SOCS2: variants seen among roughly 807,000 people sequenced by gnomAD.
The protein encoded by SOCS2 is suppressor of cytokine signaling 2.
SOCS2 carries 10 observed loss-of-function variants against 18.6 expected under a neutral mutation model. That is an observed-to-expected ratio of 0.54 (90% CI 0.33 to 0.91). The LOEUF is 0.91. SOCS2 is among the 40% of genes least tolerant of loss of function. The probability of loss-of-function intolerance (pLI) is 0.02; values close to 1 mark genes in which losing one functional copy is unlikely to be tolerated. For missense variants in SOCS2, 231 were observed against 247.2 expected (o/e 0.93, Z 0.44); for synonymous variants, 104 against 104.0 (o/e 1.00, Z 0.00).
At chr12:93,584,156 T>C (rs1184312920), downstream of SOCS2, among the ~76,000 whole-genome samples, 1 of 152,166 alleles carries the variant, frequency 6.6e-6, no homozygotes, top group Non-Finnish European at 1.5e-5. Context: ...GACAGAACAA[T>C]AGAAAAGTAA....
At chr12:93,618,572 A>G in the SOCS2 span, among the ~76,000 whole-genome samples, 535 of 152,108 alleles carry the variant, frequency 3.5e-3, 3 homozygotes, top group African/African-American at 0.012. Flanking sequence ...TCCCAACACC[A>G]CATGCCTGTC....
At chr12:93,612,050 C>G in the SOCS2 span, among the ~76,000 whole-genome samples, 1 of 152,078 alleles carries the variant, frequency 6.6e-6, no homozygotes, top group Non-Finnish European at 1.5e-5. Flanking sequence ...CCATGTAGCT[C>G]CAGGGAATGT....
At chr12:93,611,474 T>A in the SOCS2 span, among the ~76,000 whole-genome samples, 1 of 152,172 alleles carries the variant, frequency 6.6e-6, no homozygotes, top group Non-Finnish European at 1.5e-5. Flanking sequence ...TGACCTCAAG[T>A]GATCCGCCTG....
the SOCS2 span, among the ~76,000 whole-genome samples, chr12:93,610,363 CA>C: frequency 6.6e-6 from 1 of 152,118 alleles, no homozygotes; most frequent in African/African-American, 2.4e-5. Flanking sequence ...TTTGTTCAAA[CA>C]CAACTTCCTG....
chr12:93,603,984 A>G, the SOCS2 span, among the ~76,000 whole-genome samples: 2 of 152,216 alleles, frequency 1.3e-5, no homozygotes, highest in Non-Finnish European at 2.9e-5. Context: ...CATATGGAAA[A>G]CAACAAATGA....
chr12:93,589,259 C>G, the SOCS2 span, among the ~76,000 whole-genome samples: 1 of 152,216 alleles, frequency 6.6e-6, no homozygotes, highest in Non-Finnish European at 1.5e-5. Flanking sequence ...GAATACATGA[C>G]TGATAGATTT....
chr12:93,573,955 A>T (rs1658381181), intron 1 of SOCS2: 1 of 152,274 alleles, frequency 6.6e-6, no homozygotes, highest in Admixed American at 6.5e-5. Flanking sequence ...GTGCAGGCAG[A>T]TGAAATCAAG....
chr12:93,578,968 G>A (rs1372978356), downstream of SOCS2, among the ~76,000 whole-genome samples: 2 of 152,278 alleles, frequency 1.3e-5, no homozygotes, highest in South Asian at 2.1e-4. Flanking sequence ...TGAAAAATCT[G>A]CCTCTGCTGG....
the SOCS2 span, among the ~76,000 whole-genome samples, chr12:93,619,237 C>T: frequency 6.6e-6 from 1 of 152,162 alleles, no homozygotes; most frequent in African/African-American, 2.4e-5. Flanking sequence ...AGTTGCCCCG[C>T]TTCTTCCTCC....
chr12:93,570,705 T>TA (rs1954213231), upstream of SOCS2: 1 of 152,314 alleles, frequency 6.6e-6, no homozygotes, highest in African/African-American at 2.4e-5. Context: ...GGGTTGGCTG[T>TA]AGCCGGTGGC....
At chr12:93,603,059 C>G in the SOCS2 span, among the ~76,000 whole-genome samples, 1 of 152,178 alleles carries the variant, frequency 6.6e-6, no homozygotes, top group African/African-American at 2.4e-5. Flanking sequence ...AGTCCACTGC[C>G]GAACCTTGGT....
chr12:93,617,580 G>C, the SOCS2 span, among the ~76,000 whole-genome samples: 1 of 151,994 alleles, frequency 6.6e-6, no homozygotes, highest in African/African-American at 2.4e-5. Context: ...AAAATTAAAT[G>C]GGGCCACTGA....
chr12:93,625,314 C>CT, the SOCS2 span, among the ~76,000 whole-genome samples: 1 of 152,220 alleles, frequency 6.6e-6, no homozygotes, highest in African/African-American at 2.4e-5. Context: ...GTATACTCCA[C>CT]TTTCTCAGTG....
chr12:93,620,209 A>C, the SOCS2 span, among the ~76,000 whole-genome samples: 1 of 152,282 alleles, frequency 6.6e-6, no homozygotes, highest in East Asian at 1.9e-4. Flanking sequence ...AACAACTTGT[A>C]TCATTTTCTC....
chr12:93,582,295 G>C (rs1253028193), intron 1 of SOCS2, among the ~76,000 whole-genome samples: 2 of 152,178 alleles, frequency 1.3e-5, no homozygotes, highest in East Asian at 3.8e-4. Context: ...AGATCTTGCA[G>C]GCCTGGCTGA....
chr12:93,592,919 T>A, the SOCS2 span, among the ~76,000 whole-genome samples: 2 of 65,306 alleles, frequency 3.1e-5, no homozygotes, highest in African/African-American at 9.5e-5. Context: ...TGAGAAAGCT[T>A]TTTTTTTTTT....
downstream of SOCS2, among the ~76,000 whole-genome samples, chr12:93,577,518 C>CT (rs751932008): frequency 3.3e-3 from 459 of 139,268 alleles, 1 homozygote; most frequent in African/African-American, 4.8e-3. Context: ...TATCCTAGCT[C>CT]TTTTTTTTTT....
chr12:93,608,154 C>T, the SOCS2 span, among the ~76,000 whole-genome samples: 1 of 150,230 alleles, frequency 6.7e-6, no homozygotes, highest in Non-Finnish European at 1.5e-5. Context: ...ATGCCTGGCC[C>T]TTTTTTTGTT....
Position 93,575,280 on chromosome 12 carries a change from G to T in SOCS2, c.*101G>T. The T allele has an allele frequency of 1.3e-6, 1 of 762,164 alleles. No homozygotes were observed. The highest frequency in any genetic ancestry group is 2.0e-6 in the Non-Finnish European group (1 of 494,910). 47.2% of individuals were successfully genotyped at this position (762,164 alleles called of 1,614,324 possible). A position where few individuals can be genotyped will look rare whatever the true frequency, so the allele number is the denominator to read the frequency against. On this transcript the variant is annotated 3_prime_UTR_variant, in exon 2 of 2. Coordinates refer to ENST00000551556, the MANE Select transcript of SOCS2 (RefSeq NM_001270471.2). The stretch of plus-strand genomic sequence containing the variant: ...AGTGCTCTGGATAACTATATGGAAT[G>T]CTTTCTAAGAACAGCTGAAGCTAAT...
Sources: allele counts gnomAD v4.1 joint callset (sites outside exome capture counted in the v4.1 genomes callset), GRCh38; gene constraint gnomAD v4.1.1; transcripts MANE v1.5; gene names NCBI Gene and HGNC (gene_info 2026-07-23, HGNC 2026-07-21).